Variants in ADAM22 observed in about 807,000 individuals in gnomAD.
The protein encoded by ADAM22 is ADAM metallopeptidase domain 22.
A neutral mutation model predicts 144.6 loss-of-function variants in ADAM22; 65 were observed. The ratio of observed to expected loss-of-function variants is 0.45; its 90% CI spans 0.37 to 0.55. ADAM22 has a LOEUF of 0.55. Among genes scored for constraint, ADAM22 ranks in the 20% least tolerant of loss-of-function variants. The pLI, the probability that ADAM22 is intolerant of heterozygous loss-of-function variation, is 0.00. For missense variants in ADAM22, 974 were observed against 1,184.9 expected, an observed-to-expected ratio of 0.82 and a Z score of 2.61; for synonymous variants, 391 against 412.6, an observed-to-expected ratio of 0.95 and a Z score of 0.63.
intron 3 of ADAM22, among the ~76,000 whole-genome samples, chr7:88,063,137 A>G (rs1810330099): frequency 6.6e-6 from 1 of 152,226 alleles, no homozygotes; most frequent in African/African-American, 2.4e-5. Flanking sequence ...ACAAACCTTC[A>G]ATTTGTAAAA....
At chr7:88,106,715 A>G (rs946231156) in intron 4 of ADAM22, among the ~76,000 whole-genome samples, 1 of 152,190 alleles carries the variant, frequency 6.6e-6, no homozygotes, top group East Asian at 1.9e-4. Context: ...TAATGTGCAT[A>G]TGAATCATCT....
chr7:88,012,128 C>G (rs141267775), intron 3 of ADAM22, among the ~76,000 whole-genome samples: 16 of 151,226 alleles, frequency 1.1e-4, no homozygotes, highest in African/African-American at 9.7e-5. Context: ...TGTGTCCAGT[C>G]TACTGATGAG....
chr7:88,031,081 A>C (rs1211838909), intron 3 of ADAM22, among the ~76,000 whole-genome samples: 2 of 152,138 alleles, frequency 1.3e-5, no homozygotes, highest in African/African-American at 4.8e-5. Context: ...GCGCCACTGC[A>C]CTCCAGCCTG....
In ADAM22 at chr7:87,934,760, C is replaced by T. The variant is rs1203087458; in HGVS notation, c.85+210C>T. On this transcript the variant is annotated intron_variant, in intron 1 of 31. Coordinates refer to ENST00000413139, the MANE Select transcript of ADAM22 (RefSeq NM_001324418.2). ...ATGCACTGGAAGCCTTCGGTCAAAG[C>T]CTGTTTTTCTCCTTCTGAAGAGGAA... The T allele has an allele frequency of 4.6e-6, 3 of 658,372 alleles. No homozygotes were observed. The Admixed American group carries it at 9.0e-5, about 20-fold the overall frequency. The allele number at this position is 658,372 out of a possible 1,614,324, so 40.8% of individuals were successfully genotyped here.
intron 4 of ADAM22, among the ~76,000 whole-genome samples, chr7:88,083,915 A>G (rs931575952): frequency 2.0e-5 from 3 of 150,118 alleles, no homozygotes; most frequent in African/African-American, 7.6e-5. Flanking sequence ...ATAGTTGGGA[A>G]AAAAAAATTA....
chr7:88,021,619 A>G (rs1337631563), intron 3 of ADAM22, among the ~76,000 whole-genome samples: 1 of 152,238 alleles, frequency 6.6e-6, no homozygotes, highest in Non-Finnish European at 1.5e-5. Context: ...AAGTAATTAT[A>G]GCATTTTTTC....
chr7:88,154,931 A>G lies in ADAM22; in HGVS notation c.1788-956A>G, dbSNP rs181976444. 3.9e-5 allele frequency among the ~76,000 whole-genome samples: 6 copies of G among 152,282 alleles called. 1 individual carries two copies. In the East Asian group the frequency reaches 1.2e-3, roughly 29 times the overall value. On this transcript the variant is annotated intron_variant, in intron 21 of 31. Transcript: ENST00000413139. The stretch of plus-strand genomic sequence containing the variant: ...TGCTGACTTACTAATTACTCTTCAC[A>G]AGATATTTTAAAAATATGTTTATTG...
intron 7 of ADAM22, among the ~76,000 whole-genome samples, chr7:88,124,954 G>C (rs1830078970): frequency 6.6e-6 from 1 of 151,912 alleles, no homozygotes; most frequent in South Asian, 2.1e-4. Context: ...TAGGAAATCT[G>C]TACCCTGTGG....
rs147908175 is a variant in ADAM22 at position 87,989,435 on chromosome 7, C to T, written c.323+11023C>T. Among the ~76,000 whole-genome samples the T allele has an allele frequency of 3.2e-3, 481 of 152,160 alleles. 1 individual carries two copies. Among genetic ancestry groups the T allele is most frequent in the African/African-American group, 0.011 (457 of 41,504 alleles). ...ATGGGGTCTTGCTATGTTGTTCAGGCTGGAATGCAGTGGCTATTCACAGGC... is the reference window on the plus strand; with the variant it reads ...ATGGGGTCTTGCTATGTTGTTCAGGTTGGAATGCAGTGGCTATTCACAGGC... On this transcript the variant is annotated intron_variant, in intron 3 of 31. Transcript: ENST00000413139.
intron 1 of ADAM22, 186 bp downstream of exon 1, chr7:87,934,736 T>C (rs1279536908): frequency 1.5e-6 from 1 of 654,046 alleles, no homozygotes; most frequent in East Asian, 2.8e-5. Context: ...GGCGCGCAGA[T>C]GCACTGGAAG....
chr7:88,202,358 G>A lies in ADAM22; in HGVS notation c.*5867G>A, dbSNP rs902250246. Reference sequence around the variant, plus strand: ...CCAAAAGACAACTTCTTTCAGAAACGGGGTGTTTTACCTAAACATAGTAGC... The same window carrying A: ...CCAAAAGACAACTTCTTTCAGAAACAGGGTGTTTTACCTAAACATAGTAGC... On this transcript the variant is annotated 3_prime_UTR_variant, in exon 32 of 32. Transcript: ENST00000413139. 1 of 152,106 alleles carries A rather than the reference G, an allele frequency of 6.6e-6. No homozygotes were observed. Among genetic ancestry groups the A allele is most frequent in the Non-Finnish European group, 1.5e-5 (1 of 68,018 alleles). The allele number at this position is 152,106 out of a possible 1,614,324, so 9.4% of individuals were successfully genotyped here. A position where few individuals can be genotyped will look rare whatever the true frequency, so the allele number is the denominator to read the frequency against.
At chr7:87,998,387 C>T (rs576529776) in intron 3 of ADAM22, among the ~76,000 whole-genome samples, 1 of 151,972 alleles carries the variant, frequency 6.6e-6, no homozygotes, top group Non-Finnish European at 1.5e-5. Context: ...GAGAATATCC[C>T]GATTTATCTA....
chr7:88,092,584 G>T (rs1046977047), intron 4 of ADAM22, among the ~76,000 whole-genome samples: 2 of 152,146 alleles, frequency 1.3e-5, no homozygotes, highest in African/African-American at 4.8e-5. Flanking sequence ...CTGCCATCTT[G>T]TAATCAGTGT....
chr7:88,006,920 G>A (rs1794025859), intron 3 of ADAM22, among the ~76,000 whole-genome samples: 2 of 150,300 alleles, frequency 1.3e-5, no homozygotes, highest in East Asian at 3.9e-4. Flanking sequence ...GGCAGGAGAA[G>A]GAAATAAAGG....
At chr7:88,114,549 A>C in intron 5 of ADAM22, 35 bp from the exon 6 acceptor site, 1 of 1,602,044 alleles carries the variant, frequency 6.2e-7, no homozygotes, top group Middle Eastern at 1.7e-4. Flanking sequence ...ATGAGAGTCG[A>C]TGGCCATGCC....
intron 25 of ADAM22, among the ~76,000 whole-genome samples, 181 bp from the exon 26 acceptor site, chr7:88,171,363 C>T (rs1844269142): frequency 6.6e-6 from 1 of 151,828 alleles, no homozygotes; most frequent in Non-Finnish European, 1.5e-5. Flanking sequence ...TGTTGCTTCT[C>T]CTGATGATGA....
At chr7:87,954,380 T>G (rs375333395) in intron 2 of ADAM22, among the ~76,000 whole-genome samples, 6 of 152,146 alleles carry the variant, frequency 3.9e-5, no homozygotes, top group African/African-American at 1.4e-4. Context: ...TGTAAAGTAT[T>G]TTATTTCTCC....
chr7:88,035,085 T>A (rs1801190660), intron 3 of ADAM22, among the ~76,000 whole-genome samples: 1 of 152,192 alleles, frequency 6.6e-6, no homozygotes. Flanking sequence ...AGCTTCTATT[T>A]GGCCATCTTG....
intron 30 of ADAM22, among the ~76,000 whole-genome samples, chr7:88,190,003 A>C (rs765698684): frequency 2.0e-5 from 3 of 152,160 alleles, no homozygotes; most frequent in Non-Finnish European, 4.4e-5. Flanking sequence ...TAAAACTCAC[A>C]TATGAACACA....
Sources: gnomAD v4.1 joint callset for allele counts (sites outside exome capture counted in the v4.1 genomes callset) on GRCh38, gnomAD v4.1.1 for gene constraint, MANE v1.5 for transcripts, NCBI Gene and HGNC (gene_info 2026-07-23, HGNC 2026-07-21) for gene names.